CSNK1A1: variants seen among roughly 807,000 people sequenced by gnomAD.
The protein encoded by CSNK1A1 is casein kinase I isoform alpha.
A neutral mutation model predicts 46.1 loss-of-function variants in CSNK1A1; 7 were observed. That is an observed-to-expected ratio of 0.15 (90% CI 0.09 to 0.29). The LOEUF is 0.29. Among genes scored for constraint, CSNK1A1 ranks in the 10% least tolerant of loss-of-function variants. The pLI, the probability that CSNK1A1 is intolerant of heterozygous loss-of-function variation, is 1.00. For missense variants in CSNK1A1, 96 were observed against 417.1 expected, an observed-to-expected ratio of 0.23 and a Z score of 6.71; for synonymous variants, 137 against 141.5, an observed-to-expected ratio of 0.97 and a Z score of 0.23.
chr5:149,546,728 T>C (rs1394705447), intron 2 of CSNK1A1, among the ~76,000 whole-genome samples: 2 of 151,742 alleles, frequency 1.3e-5, no homozygotes, highest in African/African-American at 4.8e-5. Context: ...GGCAGCAAAA[T>C]CTAAATTTTT....
chr5:149,548,247 A>G (rs1762540179), intron 2 of CSNK1A1, among the ~76,000 whole-genome samples: 1 of 152,162 alleles, frequency 6.6e-6, no homozygotes, highest in Non-Finnish European at 1.5e-5. Flanking sequence ...AATTCAAGAC[A>G]TGAAAAATAC....
intron 9 of CSNK1A1, chr5:149,502,048 T>C (rs369034371): frequency 2.0e-6 from 2 of 983,136 alleles, no homozygotes; most frequent in South Asian, 4.7e-5. Flanking sequence ...CTAAAGAATA[T>C]AAGGAAGGCA....
intron 2 of CSNK1A1, among the ~76,000 whole-genome samples, chr5:149,536,505 A>G (rs1006205297): frequency 6.6e-6 from 1 of 152,264 alleles, no homozygotes; most frequent in Non-Finnish European, 1.5e-5. Context: ...GAAAATGAAT[A>G]CAAAAAGAAA....
chr5:149,510,232 C>T (rs1198172229), intron 6 of CSNK1A1, among the ~76,000 whole-genome samples: 1 of 151,970 alleles, frequency 6.6e-6, no homozygotes, highest in Admixed American at 6.6e-5. Flanking sequence ...ATGGCTGGGG[C>T]CAAAATTGAA....
chr5:149,530,952 C>G (rs1489289032), intron 2 of CSNK1A1, among the ~76,000 whole-genome samples: 1 of 47,698 alleles, frequency 2.1e-5, no homozygotes, highest in East Asian at 5.4e-4. Context: ...GATGACAAAG[C>G]GAGACTCTGT....
At position 149,524,738 on chromosome 5, in the gene CSNK1A1, T is replaced by C. The variant is rs78672905; in HGVS notation, c.357+307A>G. Among the ~76,000 whole-genome samples the C allele has an allele frequency of 4.4e-3, 672 of 152,306 alleles. 6 individuals carry two copies. The highest frequency in any genetic ancestry group is 0.016 in the African/African-American group (653 of 41,578). On this transcript the variant is annotated intron_variant, in intron 3 of 9. Transcript: ENST00000377843. ...GTCAATAAACATTTATCAACAATTATATGCATACATACACTCTAAACTCTC... is the reference window on the plus strand; with the variant it reads ...GTCAATAAACATTTATCAACAATTACATGCATACATACACTCTAAACTCTC...
intron 2 of CSNK1A1, among the ~76,000 whole-genome samples, chr5:149,542,618 A>T (rs182248068): frequency 7.2e-4 from 9 of 12,538 alleles, no homozygotes; most frequent in East Asian, 0.013. Flanking sequence ...ATATATATAT[A>T]TATATATATA....
Position 149,550,706 on chromosome 5 carries a change from A to T in CSNK1A1, c.123+136T>A. The T allele has an allele frequency of 7.8e-7, 1 of 1,278,638 alleles. No homozygotes were observed. The highest frequency in any genetic ancestry group is 1.1e-6 in the Non-Finnish European group (1 of 934,886). 79.2% of individuals were successfully genotyped at this position (1,278,638 alleles called of 1,614,324 possible). On this transcript the variant is annotated intron_variant, in intron 1 of 9. Coordinates refer to ENST00000377843, the MANE Select transcript of CSNK1A1 (RefSeq NM_001892.6). The surrounding 1 kb of genome is among the most constrained non-coding windows in gnomAD (Gnocchi z 4.3). The stretch of plus-strand genomic sequence containing the variant: ...AGACAGCGGACGAGGTTCGTAAGCC[A>T]GGAAAACTAGCTCCCTGGACTCCCT...
intron 7 of CSNK1A1, among the ~76,000 whole-genome samples, chr5:149,508,590 T>C (rs957202703): frequency 6.6e-6 from 1 of 152,236 alleles, no homozygotes; most frequent in African/African-American, 2.4e-5. Flanking sequence ...TTCTATGAAG[T>C]TGAAAATTTC....
intron 9 of CSNK1A1, chr5:149,497,812 T>C (rs1022194227): frequency 1.9e-5 from 19 of 985,446 alleles, no homozygotes; most frequent in Non-Finnish European, 2.3e-5. Context: ...TCTTCAATCA[T>C]AAACTGCTCC....
intron 2 of CSNK1A1, among the ~76,000 whole-genome samples, chr5:149,528,016 T>C (rs1761774061): frequency 6.6e-6 from 1 of 152,320 alleles, no homozygotes; most frequent in East Asian, 1.9e-4. Flanking sequence ...ATTCAGACTT[T>C]ATATTTTCAT....
chr5:149,502,160 C>A, intron 9 of CSNK1A1: 2 of 958,190 alleles, frequency 2.1e-6, no homozygotes, highest in Non-Finnish European at 1.2e-6. Context: ...ACCATTTTTA[C>A]TGAAGAAATA....
At chr5:149,531,288 A>C (rs1202427689) in intron 2 of CSNK1A1, among the ~76,000 whole-genome samples, 1 of 152,170 alleles carries the variant, frequency 6.6e-6, no homozygotes, top group Non-Finnish European at 1.5e-5. Context: ...TAATCCCAGC[A>C]CTTTGGGAGG....
At chr5:149,506,638 C>T (rs762997420) in intron 8 of CSNK1A1, among the ~76,000 whole-genome samples, 7 of 152,136 alleles carry the variant, frequency 4.6e-5, no homozygotes, top group Non-Finnish European at 1.0e-4. Flanking sequence ...GCCTAAGGAA[C>T]CCTACCCTAG....
Position 149,525,307 on chromosome 5 carries a change from C to A in CSNK1A1, c.231-136G>T. Reference sequence around the variant, plus strand: ...ATGTTCCCCTACTCAGAAGACAAACCCACTAATTAACTACAAGGCCCAAAG... The same window carrying A: ...ATGTTCCCCTACTCAGAAGACAAACACACTAATTAACTACAAGGCCCAAAG... On this transcript the variant is annotated intron_variant, in intron 2 of 9. Transcript: ENST00000377843. The surrounding 1 kb of genome is among the most constrained non-coding windows in gnomAD (Gnocchi z 4.2). 1 of 919,406 alleles carries A rather than the reference C, an allele frequency of 1.1e-6. No homozygotes were observed. Among genetic ancestry groups the A allele is most frequent in the Admixed American group, 3.4e-5 (1 of 29,182 alleles). 57.0% of individuals were successfully genotyped at this position (919,406 alleles called of 1,614,324 possible).
At chr5:149,540,846 G>A (rs1392220142) in intron 2 of CSNK1A1, among the ~76,000 whole-genome samples, 8 of 152,002 alleles carry the variant, frequency 5.3e-5, no homozygotes, top group African/African-American at 9.7e-5. Context: ...TTGGGAGGTC[G>A]AGATGGGCGG....
chr5:149,515,051 C>G (rs1340552309), intron 4 of CSNK1A1, among the ~76,000 whole-genome samples: 1 of 151,844 alleles, frequency 6.6e-6, no homozygotes, highest in Non-Finnish European at 1.5e-5. Context: ...ATTTGTTAAG[C>G]AAAACAAAAG....
chr5:149,497,070 A>G lies in CSNK1A1; in HGVS notation c.1007-210T>C. On this transcript the variant is annotated intron_variant, in intron 9 of 9. Coordinates refer to ENST00000377843, the MANE Select transcript of CSNK1A1 (RefSeq NM_001892.6). ...AATTTTTTCTGTTTTGAATGACTCT[A>G]GGAAGGAGTGGTACAGTGAATTCAA... The G allele has an allele frequency of 6.5e-6, 9 of 1,389,464 alleles. No homozygotes were observed. In the South Asian group the frequency reaches 1.5e-4, roughly 23 times the overall value. 86.1% of individuals were successfully genotyped at this position (1,389,464 alleles called of 1,614,324 possible).
At chr5:149,532,458 C>T (rs1169203559) in intron 2 of CSNK1A1, among the ~76,000 whole-genome samples, 1 of 151,628 alleles carries the variant, frequency 6.6e-6, no homozygotes, top group Non-Finnish European at 1.5e-5. Flanking sequence ...TTTGGGAGGT[C>T]GAGGCAGATG....
Sources: gnomAD v4.1 joint callset for allele counts (sites outside exome capture counted in the v4.1 genomes callset) on GRCh38, gnomAD v4.1.1 for gene constraint, Gnocchi (gnomAD v3.1) non-coding constraint, MANE v1.5 for transcripts, NCBI Gene and HGNC (gene_info 2026-07-23, HGNC 2026-07-21) for gene names.